The following AXDND1 variants were observed in gnomAD, a reference collection of about 807,000 sequenced individuals.
AXDND1 encodes axonemal dynein light chain domain-containing protein 1.
Under a neutral mutation model 137.5 loss-of-function variants are expected in AXDND1, and 110 were observed. That is an observed-to-expected ratio of 0.80 (90% CI 0.69 to 0.94). The LOEUF (loss-of-function observed/expected upper bound fraction) is 0.94, where lower values mean the gene tolerates loss of function less well. Ranked by LOEUF, AXDND1 falls within the 40% of genes least tolerant of loss-of-function variation. AXDND1 has a pLI of 0.00. For synonymous variants in AXDND1, 414 were observed against 399.7 expected (o/e 1.04, Z -0.43); for missense variants, 1,191 against 1,169.8 (o/e 1.02, Z -0.26).
intron 12 of AXDND1, among the ~76,000 whole-genome samples, chr1:179,426,459 A>G (rs1656583975): frequency 6.6e-6 from 1 of 152,192 alleles, no homozygotes; most frequent in Non-Finnish European, 1.5e-5. Flanking sequence ...ACATAGACAG[A>G]TGATAAACAT....
At chr1:179,402,879 T>C (rs1558127563) in intron 11 of AXDND1, among the ~76,000 whole-genome samples, 1 of 152,236 alleles carries the variant, frequency 6.6e-6, no homozygotes. Context: ...ACCTATGATC[T>C]TCATATTGCT....
rs58855777 is a variant in AXDND1 at position 179,506,509 on chromosome 1, A to T, written c.2389-2787A>T. Among the ~76,000 whole-genome samples the T allele has an allele frequency of 3.5e-3, 530 of 152,242 alleles. 7 individuals are homozygous for T. Among genetic ancestry groups the T allele is most frequent in the African/African-American group, 0.012 (496 of 41,542 alleles). On this transcript the variant is annotated intron_variant, in intron 20 of 25. Transcript: ENST00000367618. ...GACTTTGCGAGGCTGAGGCAAGTGG[A>T]TCACTTGAGGTCAGCAGTTCGAGAC...
chr1:179,374,143 C>A (rs1174112457), intron 4 of AXDND1, among the ~76,000 whole-genome samples: 1 of 151,978 alleles, frequency 6.6e-6, no homozygotes, highest in East Asian at 1.9e-4. Flanking sequence ...AAAAAAACAA[C>A]CCCTTCAAAA....
chr1:179,534,908 CAAG>C lies in AXDND1; in HGVS notation c.2990_2992del (p.Glu997del), dbSNP rs745667364. ...AGAAGTAAAAGAAGAAGAAGAACAA[CAAG>C]AAGAAGAAGAAGTCAGGTCAGCAGA... On this transcript the variant is annotated inframe_deletion, in exon 25 of 26. Coordinates refer to ENST00000367618, the MANE Select transcript of AXDND1 (RefSeq NM_144696.6). 228 of 1,595,800 alleles carry C rather than the reference CAAG, an allele frequency of 1.4e-4. No individual in the cohort carries two copies. In the Middle Eastern group the frequency reaches 6.0e-3, roughly 42 times the overall value.
chr1:179,382,702 A>G lies in AXDND1; in HGVS notation c.584A>G (p.Lys195Arg), dbSNP rs1465390908. The change falls in exon 7 of 26, where the codon AAA (lysine) becomes AGA (arginine). Residue 195 changes from lysine (K) to arginine (R), a missense_variant and splice_region_variant. Transcript: ENST00000367618. ...GVSGLECYDD[K>R]YTTLLTDSEN... is the part of the protein sequence containing the mutation. ...TTTACCTATCTTATTTATTGTAGCA[A>G]ATACACTACTCTCCTCACAGATAGT... The G allele has an allele frequency of 6.2e-7, 1 of 1,600,466 alleles. No individual in the cohort carries two copies. Among genetic ancestry groups the G allele is most frequent in the East Asian group, 2.2e-5 (1 of 44,698 alleles).
At chr1:179,541,684 G>A (rs933040234) in intron 25 of AXDND1, among the ~76,000 whole-genome samples, 13 of 146,150 alleles carry the variant, frequency 8.9e-5, no homozygotes, top group African/African-American at 3.3e-4. Flanking sequence ...TAATAATATT[G>A]CATGATAATA....
At chr1:179,508,101 C>T (rs1280361541) in intron 20 of AXDND1, among the ~76,000 whole-genome samples, 1 of 152,152 alleles carries the variant, frequency 6.6e-6, no homozygotes, top group African/African-American at 2.4e-5. Context: ...TACAGTGGCT[C>T]ATGCCTGTAA....
At chr1:179,465,156 G>A (rs115190061) in intron 16 of AXDND1, among the ~76,000 whole-genome samples, 4,584 of 152,138 alleles carry the variant, frequency 0.03, 252 homozygotes, top group African/African-American at 0.1. Context: ...GGTTTGTTCC[G>A]TTGCTGTTGA....
intron 11 of AXDND1, among the ~76,000 whole-genome samples, chr1:179,407,771 G>C (rs1405005332): frequency 6.6e-6 from 1 of 152,126 alleles, no homozygotes; most frequent in Non-Finnish European, 1.5e-5. Flanking sequence ...TGAGCTTCTT[G>C]TATCTGGATG....
chr1:179,392,379 T>C (rs551971541), intron 9 of AXDND1, among the ~76,000 whole-genome samples: 1 of 152,370 alleles, frequency 6.6e-6, no homozygotes, highest in African/African-American at 2.4e-5. Context: ...CATTGCTTGA[T>C]GGACATTTAG....
In AXDND1 at chr1:179,415,196, G is replaced by A. The variant is rs111992895; in HGVS notation, c.1230+3930G>A. Among the ~76,000 whole-genome samples, 593 of 152,168 alleles carry A rather than the reference G, an allele frequency of 3.9e-3. 4 individuals carry two copies. Among genetic ancestry groups the A allele is most frequent in the African/African-American group, 0.013 (548 of 41,532 alleles). On this transcript the variant is annotated intron_variant, in intron 12 of 25. Transcript: ENST00000367618. ...ATCTCTACTAAAAATACAAAAATTC[G>A]CTGGGCATATTGGCGGGTGTCTGTA... is the stretch of plus-strand genomic sequence containing the variant.
intron 15 of AXDND1, 87 bp downstream of exon 15, chr1:179,432,429 C>CTT (rs10706073): frequency 2.5e-4 from 264 of 1,069,134 alleles, no homozygotes; most frequent in Non-Finnish European, 2.9e-4. Context: ...ACATCCCATC[C>CTT]TTTTTTTTTT....
At chr1:179,407,663 C>T (rs1322851620) in intron 11 of AXDND1, among the ~76,000 whole-genome samples, 2 of 152,096 alleles carry the variant, frequency 1.3e-5, no homozygotes, top group African/African-American at 4.8e-5. Context: ...TTAGAATTCT[C>T]CCTTTGTCTC....
Position 179,379,409 on chromosome 1 carries a change from A to G in AXDND1, c.508A>G (p.Thr170Ala). ...VIVPHKPKTL[T>A]DTLIPEEFHI... Reference sequence around the variant, plus strand: ...CTTTTCTTTTAAGCCAAAGACACTAACAGATACTTTGATTCCTGAAGAATT... The same window carrying G: ...CTTTTCTTTTAAGCCAAAGACACTAGCAGATACTTTGATTCCTGAAGAATT... The change falls in exon 6 of 26, where the codon ACA becomes GCA. Residue 170 changes from threonine to alanine, a missense_variant. Thr to Ala is a moderately conservative substitution (Grantham distance 58). Transcript: ENST00000367618. The G allele has an allele frequency of 6.2e-7, 1 of 1,613,580 alleles. No homozygotes were observed. The highest frequency in any genetic ancestry group is 1.1e-5 in the South Asian group (1 of 91,060).
chr1:179,421,924 C>T (rs913082534), intron 12 of AXDND1, among the ~76,000 whole-genome samples: 5 of 151,654 alleles, frequency 3.3e-5, no homozygotes, highest in Admixed American at 1.3e-4. Flanking sequence ...CCTGTAATCC[C>T]GGCTACTTGG....
chr1:179,489,877 T>C (rs1267207059), intron 18 of AXDND1, among the ~76,000 whole-genome samples: 1 of 151,786 alleles, frequency 6.6e-6, no homozygotes, highest in Non-Finnish European at 1.5e-5. Context: ...TCCGAGTAGC[T>C]GGGACTATAG....
chr1:179,494,421 G>A (rs575203899), intron 20 of AXDND1, among the ~76,000 whole-genome samples: 5 of 151,964 alleles, frequency 3.3e-5, no homozygotes, highest in Non-Finnish European at 5.9e-5. Flanking sequence ...TCTTTGACCC[G>A]TTTAGTATTG....
chr1:179,431,490 GTTGTGT>G (rs778577899), intron 14 of AXDND1, among the ~76,000 whole-genome samples: 2 of 150,686 alleles, frequency 1.3e-5, no homozygotes, highest in African/African-American at 2.4e-5. Context: ...GTTTGTTGTT[GTTGTGT>G]TGTTGTTGTT....
At chr1:179,467,307 A>G (rs1244293675) in intron 16 of AXDND1, among the ~76,000 whole-genome samples, 2 of 152,178 alleles carry the variant, frequency 1.3e-5, no homozygotes, top group African/African-American at 2.4e-5. Flanking sequence ...TGGCAGCAAT[A>G]ATATAGTTAT....
Sources: gnomAD v4.1 joint callset for allele counts (sites outside exome capture counted in the v4.1 genomes callset) on GRCh38, gnomAD v4.1.1 for gene constraint, MANE v1.5 for transcripts, NCBI Gene and HGNC (gene_info 2026-07-23, HGNC 2026-07-21) for gene names.